The following ELF1 variants were observed in gnomAD, a reference collection of about 807,000 sequenced individuals.
The protein encoded by ELF1 is E74 like ETS transcription factor 1, also known as ETS-related transcription factor Elf-1.
A neutral mutation model predicts 59.9 loss-of-function variants in ELF1; 24 were observed. That is an observed-to-expected ratio of 0.40 (90% CI 0.29 to 0.56). The LOEUF is 0.56. Among genes scored for constraint, ELF1 ranks in the 20% least tolerant of loss-of-function variants. The pLI is 0.44. For synonymous variants in ELF1, 248 were observed against 266.2 expected (o/e 0.93, Z 0.67); for missense variants, 627 against 742.2 (o/e 0.84, Z 1.80).
At chr13:41,054,133 C>G (rs1456840999) in intron 1 of ELF1, among the ~76,000 whole-genome samples, 1 of 152,078 alleles carries the variant, frequency 6.6e-6, no homozygotes, top group African/African-American at 2.4e-5. Context: ...TTTAAAAAAC[C>G]AACCCTTCCA....
chr13:41,017,534 G>A (rs1566190814), intron 1 of ELF1, among the ~76,000 whole-genome samples: 1 of 152,032 alleles, frequency 6.6e-6, no homozygotes, highest in Non-Finnish European at 1.5e-5. Flanking sequence ...ACGTGGAGAG[G>A]GAAATACTTA....
chr13:41,054,317 C>A (rs185766730), intron 1 of ELF1, among the ~76,000 whole-genome samples: 1 of 152,206 alleles, frequency 6.6e-6, no homozygotes, highest in African/African-American at 2.4e-5. Context: ...CATGCACCAA[C>A]GTGGAAGAAC....
intron 1 of ELF1, among the ~76,000 whole-genome samples, chr13:41,014,052 C>T (rs1429800014): frequency 3.3e-5 from 5 of 152,134 alleles, no homozygotes; most frequent in African/African-American, 1.2e-4. Context: ...CATACTGGTG[C>T]CTGCTACTTT....
chr13:40,940,374 T>G (rs1870053503), intron 8 of ELF1, among the ~76,000 whole-genome samples: 1 of 124,418 alleles, frequency 8.0e-6, no homozygotes, highest in African/African-American at 3.5e-5. Context: ...CTGAGGCAAA[T>G]CTGATTTAAC....
intron 7 of ELF1, among the ~76,000 whole-genome samples, chr13:40,941,981 T>A (rs940611460): frequency 2.0e-5 from 3 of 152,158 alleles, no homozygotes; most frequent in African/African-American, 7.2e-5. Flanking sequence ...CTTGCCAGGA[T>A]AATCAAAACT....
In ELF1 at chr13:40,960,005, C is replaced by T. The variant is rs145572166; in HGVS notation, c.73-989G>A. 1.3e-3 allele frequency among the ~76,000 whole-genome samples: 199 copies of T among 152,284 alleles called. No homozygotes were observed. The Middle Eastern group carries it at 0.017, about 13-fold the overall frequency. ...AACAGCACAAATAATTCCCATACAA[C>T]CTTCACCCATATTCCCTCAGTTCTA... is the stretch of plus-strand genomic sequence containing the variant. On this transcript the variant is annotated intron_variant, in intron 2 of 8. Transcript: ENST00000239882.
In ELF1 at chr13:41,018,526, AT is replaced by A. The variant is rs566892339; in HGVS notation, c.-229+701del. ...TTTTCAGTGTGAATTATAAAACTTC[AT>A]TTTTTTCTAATAGTAAATGAATCAT... is the stretch of plus-strand genomic sequence containing the variant. On this transcript the variant is annotated intron_variant, in intron 1 of 8. Coordinates refer to ENST00000239882, the MANE Select transcript of ELF1 (RefSeq NM_172373.4). Among the ~76,000 whole-genome samples the A allele has an allele frequency of 4.6e-5, 7 of 152,228 alleles. No homozygotes were observed. In the East Asian group the frequency reaches 1.3e-3, roughly 29 times the overall value.
At position 41,000,237 on chromosome 13, in the gene ELF1, C is replaced by CTTTTTTTTTTTTTTT. The variant is rs55938711; in HGVS notation, c.-228-17970_-228-17956dup. 3.7e-5 allele frequency among the ~76,000 whole-genome samples: 2 copies of CTTTTTTTTTTTTTTT among 54,722 alleles called. 1 individual carries two copies. Among genetic ancestry groups the CTTTTTTTTTTTTTTT allele is most frequent in the African/African-American group, 1.5e-4 (2 of 12,968 alleles). The allele number at this position is 54,722 out of a possible 152,430, so 35.9% of individuals were successfully genotyped here. Reference sequence around the variant, plus strand: ...CCAAATGAGGCTGCATTGAACCTGGCTTTTTTTTTTTTTTTTTTTTTTTTT... The same window carrying CTTTTTTTTTTTTTTT: ...CCAAATGAGGCTGCATTGAACCTGGCTTTTTTTTTTTTTTTTTTTTTTTTTTTTTTTTTTTTTTTT... On this transcript the variant is annotated intron_variant, in intron 1 of 8. Coordinates refer to ENST00000239882, the MANE Select transcript of ELF1 (RefSeq NM_172373.4).
intron 8 of ELF1, among the ~76,000 whole-genome samples, chr13:40,937,035 A>AAT (rs1869832324): frequency 6.6e-6 from 1 of 152,200 alleles, no homozygotes; most frequent in African/African-American, 2.4e-5. Flanking sequence ...CTACGATGCA[A>AAT]ATATATTGGC....
chr13:41,016,913 T>C (rs1452240737), intron 1 of ELF1, among the ~76,000 whole-genome samples: 3 of 13,216 alleles, frequency 2.3e-4, no homozygotes, highest in African/African-American at 8.8e-4. Context: ...AAACTCCGTC[T>C]CAAAAAAAAA....
chr13:40,968,426 CAT>C (rs1258215421), intron 2 of ELF1, among the ~76,000 whole-genome samples: 14 of 152,164 alleles, frequency 9.2e-5, no homozygotes, highest in Admixed American at 9.2e-4. Flanking sequence ...TAATACAGAA[CAT>C]ATTTATATTC....
At chr13:40,991,842 T>C (rs1241314692) in intron 1 of ELF1, among the ~76,000 whole-genome samples, 1 of 152,218 alleles carries the variant, frequency 6.6e-6, no homozygotes, top group African/African-American at 2.4e-5. Context: ...TATCTATCTA[T>C]GTATGTCATT....
chr13:40,946,287 T>C lies in ELF1; in HGVS notation c.530-2362A>G, dbSNP rs1593353160. Among the ~76,000 whole-genome samples the C allele has an allele frequency of 2.0e-5, 3 of 152,344 alleles. No homozygotes were observed. The South Asian group carries it at 6.2e-4, about 32-fold the overall frequency. On this transcript the variant is annotated intron_variant, in intron 5 of 8. Coordinates refer to ENST00000239882, the MANE Select transcript of ELF1 (RefSeq NM_172373.4). ...TAATAAACTACGTATGTTTGATGTT[T>C]ACAATTTGACAAGTTTTGACTATGT...
intron 1 of ELF1, among the ~76,000 whole-genome samples, chr13:41,052,388 T>A (rs928531042): frequency 1.3e-5 from 2 of 152,194 alleles, no homozygotes; most frequent in African/African-American, 2.4e-5. Context: ...TAAGTGCTGG[T>A]GAAATGTTAA....
At chr13:41,034,945 GTTCAGAGCA>G in intron 1 of ELF1, among the ~76,000 whole-genome samples, 1 of 152,294 alleles carries the variant, frequency 6.6e-6, no homozygotes, top group South Asian at 2.1e-4. Context: ...GAACTTGTTA[GTTCAGAGCA>G]TTGTCATGCT....
intron 1 of ELF1, among the ~76,000 whole-genome samples, chr13:40,988,635 CTATTAT>C (rs765548422): frequency 1.3e-5 from 2 of 152,102 alleles, no homozygotes; most frequent in African/African-American, 4.8e-5. Context: ...TAGAGTTTTA[CTATTAT>C]TATCTCCCAA....
At chr13:40,973,891 C>T (rs998620713) in intron 2 of ELF1, among the ~76,000 whole-genome samples, 2 of 152,006 alleles carry the variant, frequency 1.3e-5, no homozygotes, top group African/African-American at 4.8e-5. Context: ...AACAGGATGC[C>T]AAAGTAAAAG....
chr13:40,982,108 A>C lies in ELF1; in HGVS notation c.-54T>G. ...AGAAAAATTCCAAGAAGATTCACGT[A>C]TCAGGCAGCAAAATCCAGTGACTGA... On this transcript the variant is annotated 5_prime_UTR_variant, in exon 2 of 9. Transcript: ENST00000239882. 1 of 1,591,188 alleles carries C rather than the reference A, an allele frequency of 6.3e-7. No homozygotes were observed. Among genetic ancestry groups the C allele is most frequent in the Non-Finnish European group, 8.5e-7 (1 of 1,169,730 alleles).
chr13:41,045,962 G>T (rs888036118), intron 1 of ELF1, among the ~76,000 whole-genome samples: 1 of 152,086 alleles, frequency 6.6e-6, no homozygotes, highest in African/African-American at 2.4e-5. Context: ...ATGAATCTGG[G>T]GGCTCCTGTA....
Sources: gnomAD v4.1 joint callset for allele counts (sites outside exome capture counted in the v4.1 genomes callset) on GRCh38, gnomAD v4.1.1 for gene constraint, MANE v1.5 for transcripts, NCBI Gene and HGNC (gene_info 2026-07-23, HGNC 2026-07-21) for gene names.